Variants in DNAH9 observed in about 807,000 individuals in gnomAD.
DNAH9 encodes dynein axonemal heavy chain 9.
Under a neutral mutation model 471.6 loss-of-function variants are expected in DNAH9, and 345 were observed. The ratio of observed to expected loss-of-function variants is 0.73; its 90% CI spans 0.67 to 0.80. The LOEUF is 0.80. Among genes scored for constraint, DNAH9 ranks in the 30% least tolerant of loss-of-function variants. The pLI is 0.00. For synonymous variants in DNAH9, 2,093 were observed against 2,123.6 expected, an observed-to-expected ratio of 0.99 and a Z score of 0.40; for missense variants, 5,407 against 5,609.2, an observed-to-expected ratio of 0.96 and a Z score of 1.15.
intron 6 of DNAH9, among the ~76,000 whole-genome samples, chr17:11,629,032 G>C (rs529611168): frequency 5.3e-5 from 8 of 151,216 alleles, no homozygotes; most frequent in South Asian, 4.2e-4. Context: ...CCGCCCCCAT[G>C]GTTTCCAACT....
chr17:11,930,251 C>G (rs1450137230), intron 63 of DNAH9, among the ~76,000 whole-genome samples, 158 bp downstream of exon 63: 1 of 152,162 alleles, frequency 6.6e-6, no homozygotes, highest in Non-Finnish European at 1.5e-5. Flanking sequence ...GATGCCCACT[C>G]AGGGCAACCC....
rs1974952092 is a variant in DNAH9 at position 11,942,384 on chromosome 17, C to T, written c.12742C>T (p.Arg4248Cys). 10 of 1,614,182 alleles carry T rather than the reference C, an allele frequency of 6.2e-6. No homozygotes were observed. Among genetic ancestry groups the T allele is most frequent in the South Asian group, 1.1e-5 (1 of 91,086 alleles). The change falls in exon 67 of 69, where the codon CGC (arginine) becomes TGC (cysteine). Residue 4248 changes from arginine to cysteine, a missense_variant. Arg to Cys is a radical substitution (Grantham distance 180). Coordinates refer to ENST00000262442, the MANE Select transcript of DNAH9 (RefSeq NM_001372.4). ...AGAACTGATGGCCAAAGTGGAGGAG[C>T]GCACCCCTTACATTGTAGTTGCCTT... ...IPELMAKVEE[R>C]TPYIVVAFQE...
chr17:11,708,726 C>G (rs971905360), intron 26 of DNAH9, among the ~76,000 whole-genome samples: 13 of 152,154 alleles, frequency 8.5e-5, no homozygotes, highest in African/African-American at 2.9e-4. Flanking sequence ...TGAGGTCTGC[C>G]TATCTTGGAA....
chr17:11,608,326 G>GT lies in DNAH9; in HGVS notation c.614+2dup, dbSNP rs1449686846. 4 of 1,598,002 alleles carry GT rather than the reference G, an allele frequency of 2.5e-6. No homozygotes were observed. The highest frequency in any genetic ancestry group is 2.2e-5 in the East Asian group (1 of 44,584). On this transcript the variant is annotated splice_donor_variant, in intron 2 of 68. Transcript: ENST00000262442. LOFTEE classifies it high-confidence loss of function. ...TTGCGGATTCCAAAAGTGAGACAGT[G>GT]TAAGTACCGCCAGCCTGGCCATATG...
rs562749954 is a variant in DNAH9 at position 11,702,844 on chromosome 17, G to A, written c.5152-1359G>A. Among the ~76,000 whole-genome samples the A allele has an allele frequency of 2.0e-3, 305 of 152,264 alleles. 1 individual carries two copies. Among genetic ancestry groups the A allele is most frequent in the African/African-American group, 6.9e-3 (288 of 41,556 alleles). On this transcript the variant is annotated intron_variant, in intron 24 of 68. Transcript: ENST00000262442. ...GTGATGGCTCACGCCTGTAATCCCA[G>A]CACTTTGGGAGGCTGAGGTGGGTGG...
chr17:11,655,537 A>C (rs531608976), intron 14 of DNAH9, among the ~76,000 whole-genome samples: 2 of 151,748 alleles, frequency 1.3e-5, no homozygotes, highest in African/African-American at 2.4e-5. Context: ...TATTTGACCT[A>C]AGGGACCTTT....
At chr17:11,647,543 G>C (rs993957815) in intron 12 of DNAH9, among the ~76,000 whole-genome samples, 3 of 152,086 alleles carry the variant, frequency 2.0e-5, no homozygotes, top group African/African-American at 7.2e-5. Flanking sequence ...CAATATATTT[G>C]CTTCAATTTT....
Position 11,756,644 on chromosome 17 carries a change from G to C in DNAH9, c.6815G>C (p.Arg2272Pro). Residue 2272 changes from arginine (R) to proline (P), a missense_variant, in exon 34 of 69, where the codon CGC (arginine) becomes CCC (proline). By Grantham distance (103) the Arg-to-Pro change is moderately radical. Coordinates refer to ENST00000262442, the MANE Select transcript of DNAH9 (RefSeq NM_001372.4). ...MKLLFEISHL[R>P]TATPATVSRA... ...CTCCTCTTTGAGATCAGCCACCTGC[G>C]CACAGCCACTCCAGCAACTGTCTCT... The C allele has an allele frequency of 6.2e-7, 1 of 1,612,742 alleles. No homozygotes were observed. Among genetic ancestry groups the C allele is most frequent in the Non-Finnish European group, 8.5e-7 (1 of 1,178,878 alleles).
intron 32 of DNAH9, among the ~76,000 whole-genome samples, chr17:11,752,263 GA>G (rs1353427347): frequency 6.6e-6 from 1 of 152,188 alleles, no homozygotes; most frequent in African/African-American, 2.4e-5. Context: ...TACAAAGCAT[GA>G]AAACTCTACC....
At chr17:11,948,531 C>T (rs1975234013) in intron 67 of DNAH9, among the ~76,000 whole-genome samples, 1 of 151,950 alleles carries the variant, frequency 6.6e-6, no homozygotes, top group South Asian at 2.1e-4. Context: ...CACCCGGCCT[C>T]CTCTGGCTCT....
intron 6 of DNAH9, among the ~76,000 whole-genome samples, chr17:11,622,662 C>T (rs1224502409): frequency 6.6e-6 from 1 of 152,194 alleles, no homozygotes; most frequent in Non-Finnish European, 1.5e-5. Flanking sequence ...TGCATATAGA[C>T]AGCTATTCTA....
intron 7 of DNAH9, among the ~76,000 whole-genome samples, chr17:11,631,572 C>G (rs1315595072): frequency 6.7e-6 from 1 of 150,284 alleles, no homozygotes; most frequent in Admixed American, 6.6e-5. Flanking sequence ...ACCCGGGAGG[C>G]AGAGGTTGCA....
chr17:11,825,931 C>T (rs529160853), intron 48 of DNAH9, among the ~76,000 whole-genome samples: 3 of 152,312 alleles, frequency 2.0e-5, no homozygotes, highest in Admixed American at 2.0e-4. Flanking sequence ...TAATCTGGAA[C>T]TATCATGGTG....
intron 50 of DNAH9, among the ~76,000 whole-genome samples, chr17:11,864,740 C>G (rs1326804530): frequency 6.6e-6 from 1 of 152,080 alleles, no homozygotes; most frequent in Admixed American, 6.6e-5. Flanking sequence ...GGATAGTTAG[C>G]TCTTCTTGTT....
At position 11,839,947 on chromosome 17, in the gene DNAH9, T is replaced by C. The variant is rs538917468; in HGVS notation, c.9507+5049T>C. Among the ~76,000 whole-genome samples, 128 of 152,290 alleles carry C rather than the reference T, an allele frequency of 8.4e-4. 1 individual carries two copies. The Middle Eastern group carries it at 0.01, about 12-fold the overall frequency. ...TCAAAGTGTGAAGAAATGGGAATGC[T>C]TGTGCACTGTTGGTGAGGATGCAGA... On this transcript the variant is annotated intron_variant, in intron 49 of 68. Coordinates refer to ENST00000262442, the MANE Select transcript of DNAH9 (RefSeq NM_001372.4).
chr17:11,828,803 A>G (rs911464881), intron 48 of DNAH9, among the ~76,000 whole-genome samples: 2 of 152,188 alleles, frequency 1.3e-5, no homozygotes, highest in Non-Finnish European at 2.9e-5. Context: ...AACTCTGAGC[A>G]GTTATGCATT....
chr17:11,959,867 T>C (rs1355856093), intron 67 of DNAH9, among the ~76,000 whole-genome samples: 2 of 152,256 alleles, frequency 1.3e-5, no homozygotes, highest in East Asian at 3.8e-4. Flanking sequence ...AAAATGTTTG[T>C]AATTCACACT....
At position 11,699,553 on chromosome 17, in the gene DNAH9, C is replaced by T. The variant is rs76631889; in HGVS notation, c.4873-178C>T. Among the ~76,000 whole-genome samples, 1,324 of 152,322 alleles carry T rather than the reference C, an allele frequency of 8.7e-3. 34 individuals carry two copies. Among genetic ancestry groups the T allele is most frequent in the East Asian group, 0.071 (365 of 5,174 alleles). The stretch of plus-strand genomic sequence containing the variant: ...TTCAGTCTTCCTTTGGCCACTTCTA[C>T]GGATTCATTTTATTCCTGTCCTCAC... On this transcript the variant is annotated intron_variant, in intron 22 of 68. Coordinates refer to ENST00000262442, the MANE Select transcript of DNAH9 (RefSeq NM_001372.4).
At chr17:11,693,833 G>T in intron 20 of DNAH9, 35 bp from the exon 21 acceptor site, 1 of 1,613,526 alleles carries the variant, frequency 6.2e-7, no homozygotes. Flanking sequence ...ACTGAGTGGA[G>T]TGGTGGTTAA....
Sources: gnomAD v4.1 joint callset for allele counts (sites outside exome capture counted in the v4.1 genomes callset) on GRCh38, gnomAD v4.1.1 for gene constraint, MANE v1.5 for transcripts, NCBI Gene and HGNC (gene_info 2026-07-23, HGNC 2026-07-21) for gene names.